The following ORC5 variants were observed in gnomAD, a reference collection of about 807,000 sequenced individuals.
The protein encoded by ORC5 is origin recognition complex subunit 5, also known as protein phosphatase 1, regulatory subunit 117.
ORC5 carries 39 observed loss-of-function variants against 58.8 expected under a neutral mutation model. That is an observed-to-expected ratio of 0.66 (90% CI 0.51 to 0.87). ORC5 has a LOEUF of 0.87. ORC5 is among the 40% of genes least tolerant of loss of function. The pLI, the probability that ORC5 is intolerant of heterozygous loss-of-function variation, is 0.00. For synonymous variants in ORC5, 218 were observed against 177.6 expected (o/e 1.23, Z -1.81); for missense variants, 493 against 506.3 (o/e 0.97, Z 0.25).
chr7:104,153,975 AT>A (rs1562809373), intron 12 of ORC5, among the ~76,000 whole-genome samples: 2 of 152,152 alleles, frequency 1.3e-5, no homozygotes, highest in African/African-American at 4.8e-5. Context: ...AGGTAAAGAA[AT>A]TTTATCATAA....
intron 8 of ORC5, among the ~76,000 whole-genome samples, chr7:104,168,961 A>G (rs999506772): frequency 5.9e-5 from 9 of 152,006 alleles, no homozygotes; most frequent in Non-Finnish European, 1.3e-4. Context: ...GCATGCCTAT[A>G]CTCCCAGCTA....
chr7:104,203,965 T>C (rs1800009210), intron 2 of ORC5, among the ~76,000 whole-genome samples, 177 bp downstream of exon 2: 2 of 152,152 alleles, frequency 1.3e-5, no homozygotes, highest in African/African-American at 4.8e-5. Flanking sequence ...GTTAAGAAAG[T>C]GCAAGTTTGG....
chr7:104,193,254 A>G (rs887412597), intron 5 of ORC5, among the ~76,000 whole-genome samples: 2 of 152,116 alleles, frequency 1.3e-5, no homozygotes, highest in Admixed American at 1.3e-4. Context: ...TATAATTAAT[A>G]TAGTATTACA....
At position 104,135,472 on chromosome 7, in the gene ORC5, T is replaced by C. The variant is rs911837985; in HGVS notation, c.1262+1309A>G. On this transcript the variant is annotated intron_variant, in intron 13 of 13. Transcript: ENST00000297431. ...TATCACAGAACTTAAAAACATTTTT[T>C]ATAGAGACGGGGGTCTCACTACGTT... 1.4e-4 allele frequency among the ~76,000 whole-genome samples: 22 copies of C among 152,304 alleles called. No homozygotes were observed. The East Asian group carries it at 4.2e-3, about 29-fold the overall frequency.
chr7:104,181,960 T>C (rs1389926692), intron 8 of ORC5, among the ~76,000 whole-genome samples: 3 of 152,134 alleles, frequency 2.0e-5, no homozygotes, highest in Non-Finnish European at 4.4e-5. Context: ...ATCTATGTGA[T>C]CAACATAGAG....
chr7:104,162,622 G>A (rs1397256192), intron 11 of ORC5, among the ~76,000 whole-genome samples: 2 of 152,148 alleles, frequency 1.3e-5, no homozygotes, highest in Non-Finnish European at 1.5e-5. Context: ...TATTTTCCAG[G>A]TCTTAAATTT....
chr7:104,188,269 C>T lies in ORC5; in HGVS notation c.666G>A (p.Leu222=), dbSNP rs758414111. The T allele has an allele frequency of 1.2e-6, 2 of 1,612,002 alleles. No homozygotes were observed. The highest frequency in any genetic ancestry group is 1.1e-5 in the South Asian group (1 of 90,972). Residue 222 remains leucine, a synonymous_variant, in exon 6 of 14, where the codon TTG becomes TTA. Transcript: ENST00000297431. Reference sequence around the variant, plus strand: ...CATTTACCAGATGTCTGAGCTCTTTCAAATCTCGACAAACAGTGTAGAAAA... The same window carrying T: ...CATTTACCAGATGTCTGAGCTCTTTTAAATCTCGACAAACAGTGTAGAAAA... The part of the protein sequence containing the change: ...LGVFYTVCRD[L]KELRHLAVLN...
intron 11 of ORC5, among the ~76,000 whole-genome samples, chr7:104,162,362 G>A (rs572584052): frequency 3.3e-5 from 5 of 152,168 alleles, no homozygotes; most frequent in East Asian, 3.9e-4. Context: ...TAGTTTTGCC[G>A]TGTAGGACAG....
intron 5 of ORC5, among the ~76,000 whole-genome samples, chr7:104,188,974 C>G (rs1380609168): frequency 1.3e-5 from 2 of 152,064 alleles, no homozygotes; most frequent in Admixed American, 1.3e-4. Context: ...TCCCCAGAAG[C>G]AGAAGCCTGT....
chr7:104,206,755 A>T (rs1303650371), intron 1 of ORC5, among the ~76,000 whole-genome samples: 1 of 152,204 alleles, frequency 6.6e-6, no homozygotes, highest in East Asian at 1.9e-4. Context: ...GTGATCTCAT[A>T]AGATTATAAT....
chr7:104,149,660 G>A (rs762338482), intron 12 of ORC5, among the ~76,000 whole-genome samples: 1 of 151,970 alleles, frequency 6.6e-6, no homozygotes, highest in Non-Finnish European at 1.5e-5. Flanking sequence ...GTCCTCCTCA[G>A]TTTAAACAAA....
chr7:104,190,380 CT>C (rs1031876286), intron 5 of ORC5, among the ~76,000 whole-genome samples: 2 of 151,952 alleles, frequency 1.3e-5, no homozygotes, highest in African/African-American at 4.8e-5. Context: ...AAGAATTAAT[CT>C]TTTTTTACAA....
intron 1 of ORC5, 138 bp downstream of exon 1, chr7:104,207,695 G>C (rs947811227): frequency 4.2e-6 from 3 of 716,942 alleles, no homozygotes; most frequent in South Asian, 1.7e-5. Flanking sequence ...CTGCAGTACA[G>C]AACCACAACA....
At chr7:104,167,793 A>G (rs963505648) in intron 9 of ORC5, among the ~76,000 whole-genome samples, 1 of 152,200 alleles carries the variant, frequency 6.6e-6, no homozygotes, top group African/African-American at 2.4e-5. Flanking sequence ...ACAGATAGAA[A>G]GTAGTGCAAA....
intron 8 of ORC5, among the ~76,000 whole-genome samples, chr7:104,174,311 G>A (rs1475040940): frequency 6.6e-6 from 1 of 151,908 alleles, no homozygotes; most frequent in African/African-American, 2.4e-5. Flanking sequence ...CACTACGATG[G>A]TCCCCACCAT....
At chr7:104,126,954 G>T in intron 13 of ORC5, 61 bp from the exon 14 acceptor site, 2 of 1,228,330 alleles carry the variant, frequency 1.6e-6, no homozygotes, top group South Asian at 1.3e-5. Context: ...AGCTTTGTAT[G>T]ATTCTGGAAA....
intron 1 of ORC5, among the ~76,000 whole-genome samples, chr7:104,206,415 C>G (rs1800085094): frequency 6.6e-6 from 1 of 152,182 alleles, no homozygotes; most frequent in Non-Finnish European, 1.5e-5. Context: ...TGATCCACCA[C>G]TAAGTTTACT....
At chr7:104,170,601 A>T (rs1210115000) in intron 8 of ORC5, among the ~76,000 whole-genome samples, 2 of 152,252 alleles carry the variant, frequency 1.3e-5, no homozygotes, top group Non-Finnish European at 2.9e-5. Context: ...GACCTGTTTT[A>T]GACTTCTGAC....
At position 104,166,808 on chromosome 7, in the gene ORC5, G is replaced by GTA; in HGVS notation, c.952_953dup (p.Asn319ThrfsTer24). On this transcript the variant is annotated frameshift_variant, in exon 10 of 14. Transcript: ENST00000297431. LOFTEE classifies it high-confidence loss of function. ...ACCTCTTGTCAGTTCTTGCTGGATTGTATGAAGCAAGGTATGCAGCAATTA... is the reference window on the plus strand; with the variant it reads ...ACCTCTTGTCAGTTCTTGCTGGATTGTATATGAAGCAAGGTATGCAGCAATTA... The GTA allele has an allele frequency of 6.2e-7, 1 of 1,610,238 alleles. No homozygotes were observed. The highest frequency in any genetic ancestry group is 8.5e-7 in the Non-Finnish European group (1 of 1,176,740).
Sources: gnomAD v4.1 joint callset for allele counts (sites outside exome capture counted in the v4.1 genomes callset) on GRCh38, gnomAD v4.1.1 for gene constraint, MANE v1.5 for transcripts, NCBI Gene and HGNC (gene_info 2026-07-23, HGNC 2026-07-21) for gene names.